SPATA22: variants seen among roughly 807,000 people sequenced by gnomAD.
SPATA22 encodes spermatogenesis associated 22, also known as spermatogenesis-associated protein 22.
A neutral mutation model predicts 47.8 loss-of-function variants in SPATA22; 29 were observed. That is an observed-to-expected ratio of 0.61 (90% CI 0.45 to 0.83). The LOEUF is 0.83. Among genes scored for constraint, SPATA22 ranks in the 40% least tolerant of loss-of-function variants. SPATA22 has a pLI of 0.00. For synonymous variants in SPATA22, 133 were observed against 140.9 expected, an observed-to-expected ratio of 0.94 and a Z score of 0.40; for missense variants, 410 against 421.7, an observed-to-expected ratio of 0.97 and a Z score of 0.24.
rs923280730 is a variant in SPATA22, at chr17:3,477,233, T to C, written c.-73-7835A>G. On this transcript the variant is annotated intron_variant, in intron 1 of 8. Coordinates refer to the SPATA22 transcript ENST00000541913. ...AAGTAGCAGACGTACTTAACTTCCA[T>C]GGTGGATTGTTGTAGATGGGATACC... 2.0e-5 allele frequency among the ~76,000 whole-genome samples: 3 copies of C among 152,162 alleles called. No individual in the cohort carries two copies. The South Asian group carries it at 6.2e-4, about 31-fold the overall frequency.
In SPATA22 at chr17:3,469,335, T is replaced by C; in HGVS notation, c.-10A>G. The stretch of plus-strand genomic sequence containing the variant: ...TTAGGCTTCGCTTCATTTCCTTCAA[T>C]ATCAAAATCTATAATTTTCTATTCA... On this transcript the variant is annotated 5_prime_UTR_variant, in exon 2 of 9. The change creates a new upstream start codon in the 5' untranslated region. Transcript: ENST00000572969. 1 of 1,558,084 alleles carries C rather than the reference T, an allele frequency of 6.4e-7. No individual in the cohort carries two copies. Among genetic ancestry groups the C allele is most frequent in the African/African-American group, 1.4e-5 (1 of 73,882 alleles).
upstream of SPATA22, among the ~76,000 whole-genome samples, chr17:3,473,490 C>CTTTTG (rs1027564141): frequency 1.2e-4 from 18 of 152,162 alleles, no homozygotes; most frequent in East Asian, 3.9e-4. Context: ...CTCTGCTCTC[C>CTTTTG]TTTTGTTTTG....
At chr17:3,495,936 A>C (rs3786010) in intron 1 of SPATA22, among the ~76,000 whole-genome samples, 18,654 of 152,168 alleles carry the variant, frequency 0.12, 2,273 homozygotes, top group East Asian at 0.65. Flanking sequence ...TGGTGACAAA[A>C]ATATCAAGTA....
In SPATA22 at chr17:3,490,744, T is replaced by G. The variant is rs1490784249; in HGVS notation, c.-73-21346A>C. Among the ~76,000 whole-genome samples, 2 of 152,084 alleles carry G rather than the reference T, an allele frequency of 1.3e-5. No individual in the cohort carries two copies. The highest frequency in any genetic ancestry group is 2.9e-5 in the Non-Finnish European group (2 of 68,028). ...TGTGGGACTACAATATATTAAGAAGTGATACATTCAGATAGAAGGCCACAA... is the reference window on the plus strand; with the variant it reads ...TGTGGGACTACAATATATTAAGAAGGGATACATTCAGATAGAAGGCCACAA... On this transcript the variant is annotated intron_variant, in intron 1 of 8. Coordinates refer to the SPATA22 transcript ENST00000541913. This position sits in a 1 kb window ranked among gnomAD's most constrained non-coding sequence, Gnocchi z 4.6.
intron 8 of SPATA22, among the ~76,000 whole-genome samples, chr17:3,442,609 C>T (rs1353558593): frequency 6.6e-6 from 1 of 151,966 alleles, no homozygotes; most frequent in Non-Finnish European, 1.5e-5. Flanking sequence ...TTACCCCTAA[C>T]AGTTCCTAAC....
At chr17:3,461,567 AG>A (rs1249763024) in intron 5 of SPATA22, among the ~76,000 whole-genome samples, 2 of 152,198 alleles carry the variant, frequency 1.3e-5, no homozygotes, top group Admixed American at 1.3e-4. Flanking sequence ...CCTAGTTTTA[AG>A]GCCTTGTTAT....
chr17:3,448,792 T>C lies in SPATA22; in HGVS notation c.672+15A>G. On this transcript the variant is annotated intron_variant, in intron 6 of 8. Coordinates refer to ENST00000572969, the MANE Select transcript of SPATA22 (RefSeq NM_001170698.2). ...AAAATGTAAATAAGTCATTAATTTG[T>C]ATTTAAACATTTACCTTCAGGGTGT... is the stretch of plus-strand genomic sequence containing the variant. 1.3e-6 allele frequency: 2 copies of C among 1,541,872 alleles called. No individual in the cohort carries two copies. Among genetic ancestry groups the C allele is most frequent in the African/African-American group, 1.4e-5 (1 of 72,270 alleles).
At chr17:3,476,940 G>A (rs2073533495) in intron 1 of SPATA22, among the ~76,000 whole-genome samples, 1 of 152,168 alleles carries the variant, frequency 6.6e-6, no homozygotes, top group Admixed American at 6.5e-5. Flanking sequence ...CGGATCACGA[G>A]GTCAGGAGAT....
upstream of SPATA22, chr17:3,476,404 A>G (rs2073523852): frequency 6.2e-7 from 1 of 1,610,632 alleles, no homozygotes. Flanking sequence ...GGGTAAGACT[A>G]TGCTTTGTAT....
rs2072658714 is a variant in SPATA22, at chr17:3,444,020, T to A, written c.803-749A>T. ...GCAAGTTTGTACCCTTTGACCTACATCTCCCTATTCCCTCCTCCTTGAGTA... is the reference window on the plus strand; with the variant it reads ...GCAAGTTTGTACCCTTTGACCTACAACTCCCTATTCCCTCCTCCTTGAGTA... On this transcript the variant is annotated intron_variant, in intron 7 of 8. Coordinates refer to ENST00000572969, the MANE Select transcript of SPATA22 (RefSeq NM_001170698.2). Among the ~76,000 whole-genome samples, 4 of 152,088 alleles carry A rather than the reference T, an allele frequency of 2.6e-5. No homozygotes were observed. The South Asian group carries it at 6.2e-4, about 24-fold the overall frequency.
chr17:3,481,762 G>A lies in SPATA22; in HGVS notation c.-73-12364C>T, dbSNP rs766883736. On this transcript the variant is annotated intron_variant, in intron 1 of 8. Coordinates refer to the SPATA22 transcript ENST00000541913. The stretch of plus-strand genomic sequence containing the variant: ...GCACTCTTATTCTTGAGGATTCCAG[G>A]AATAACTTTTTAATTCAGATGTTTC... 6 of 1,612,414 alleles carry A rather than the reference G, an allele frequency of 3.7e-6. No individual in the cohort carries two copies. In the Admixed American group the frequency reaches 8.3e-5, roughly 22 times the overall value.
At chr17:3,491,131 A>G (rs1248190613) in intron 1 of SPATA22, among the ~76,000 whole-genome samples, 1 of 152,228 alleles carries the variant, frequency 6.6e-6, no homozygotes, top group Admixed American at 6.5e-5. Flanking sequence ...CATATGCGAC[A>G]TGCTTAGCTA....
At position 3,449,139 on chromosome 17, in the gene SPATA22, C is replaced by G. The variant is rs1383228067; in HGVS notation, c.340G>C (p.Gly114Arg). Residue 114 changes from glycine to arginine, a missense_variant, in exon 6 of 9, where the codon GGT becomes CGT. By Grantham distance (125) the Gly-to-Arg change is moderately radical (BLOSUM62 -2). Transcript: ENST00000572969. ...GTTTTCAAGCTGGTATTTTTGTTAC[C>G]ATCTCTGTAGCTGTAATAGTGCAAA... ...RSQGGWSYRD[G>R]NKNTSLKTWN... is the part of the protein sequence containing the mutation. The G allele has an allele frequency of 7.5e-6, 12 of 1,600,550 alleles. No homozygotes were observed. The Admixed American group carries it at 1.7e-4, about 23-fold the overall frequency.
Position 3,476,969 on chromosome 17 carries a change from T to C in SPATA22, c.-73-7571A>G, listed in dbSNP as rs539507373. Among the ~76,000 whole-genome samples the C allele has an allele frequency of 3.6e-3, 549 of 152,214 alleles. 5 individuals are homozygous for C. The highest frequency in any genetic ancestry group is 0.012 in the African/African-American group (501 of 41,516). ...AGGAGATCGAGACCATCCTGGCTAA[T>C]GCAGTGAAACCCCATCTCTACTAAA... On this transcript the variant is annotated intron_variant, in intron 1 of 8. Transcript: ENST00000541913.
intron 2 of SPATA22, 138 bp from the exon 3 acceptor site, chr17:3,467,692 A>T: frequency 1.5e-6 from 1 of 653,984 alleles, no homozygotes; most frequent in Non-Finnish European, 2.2e-6. Flanking sequence ...CTATAACCTT[A>T]GAATGATTTT....
chr17:3,463,341 C>T (rs1193089143), intron 3 of SPATA22, among the ~76,000 whole-genome samples: 1 of 152,112 alleles, frequency 6.6e-6, no homozygotes, highest in East Asian at 1.9e-4. Flanking sequence ...TGCTACACAC[C>T]TAGGCTATAT....
chr17:3,444,362 G>T (rs995540100), intron 7 of SPATA22, among the ~76,000 whole-genome samples: 1 of 151,924 alleles, frequency 6.6e-6, no homozygotes, highest in Non-Finnish European at 1.5e-5. Context: ...CGTAGTTCAG[G>T]GTTTCTGCAA....
intron 5 of SPATA22, among the ~76,000 whole-genome samples, chr17:3,461,245 T>C (rs1375757129): frequency 1.3e-5 from 2 of 152,246 alleles, no homozygotes; most frequent in Non-Finnish European, 2.9e-5. Flanking sequence ...TATTTTTATT[T>C]GCTAAATCTG....
At chr17:3,441,491 A>G (rs192602915) in intron 8 of SPATA22, 1 of 152,140 alleles carries the variant, frequency 6.6e-6, no homozygotes, top group Admixed American at 6.5e-5. Flanking sequence ...TTATAATAAA[A>G]AAGATCGACA....
Sources: allele counts gnomAD v4.1 joint callset (sites outside exome capture counted in the v4.1 genomes callset), GRCh38; gene constraint gnomAD v4.1.1; non-coding constraint Gnocchi (gnomAD v3.1); transcripts MANE v1.5; gene names NCBI Gene and HGNC (gene_info 2026-07-23, HGNC 2026-07-21).